The following DTNB variants were observed in gnomAD, a reference collection of about 807,000 sequenced individuals.
DTNB encodes the protein DTN-B.
A neutral mutation model predicts 90.7 loss-of-function variants in DTNB; 63 were observed. The observed-to-expected ratio is 0.69, with a 90% CI of 0.57 to 0.86. The LOEUF is 0.86. DTNB is among the 40% of genes least tolerant of loss of function. The probability of loss-of-function intolerance (pLI) is 0.00; values close to 1 mark genes in which losing one functional copy is unlikely to be tolerated. For missense variants in DTNB, 744 were observed against 807.1 expected (o/e 0.92, Z 0.95); for synonymous variants, 277 against 286.7 (o/e 0.97, Z 0.34).
At chr2:25,384,104 G>A (rs1397138800) in intron 18 of DTNB, among the ~76,000 whole-genome samples, 1 of 152,238 alleles carries the variant, frequency 6.6e-6, no homozygotes, top group East Asian at 1.9e-4. Flanking sequence ...AGCCCAAAGG[G>A]AGCAGTGCGG....
At chr2:25,644,079 C>T (rs927732704) in intron 2 of DTNB, among the ~76,000 whole-genome samples, 1 of 152,158 alleles carries the variant, frequency 6.6e-6, no homozygotes, top group African/African-American at 2.4e-5. Flanking sequence ...AAAGGGGAGG[C>T]ATGAATAATC....
At chr2:25,657,298 AAT>A (rs1375685170) in intron 1 of DTNB, among the ~76,000 whole-genome samples, 4 of 152,240 alleles carry the variant, frequency 2.6e-5, no homozygotes, top group African/African-American at 9.6e-5. Flanking sequence ...TAAAAAAAAA[AAT>A]AGTTAGATTT....
intron 16 of DTNB, among the ~76,000 whole-genome samples, chr2:25,409,072 G>C (rs2117856): frequency 2.0e-5 from 3 of 152,172 alleles, no homozygotes; most frequent in Non-Finnish European, 4.4e-5. Flanking sequence ...TGTTTTCTTA[G>C]GATATTTTCT....
chr2:25,672,184 C>A (rs2086084353), intron 1 of DTNB, among the ~76,000 whole-genome samples: 1 of 124,068 alleles, frequency 8.1e-6, no homozygotes, highest in Non-Finnish European at 1.6e-5. Context: ...GACCTCAGAA[C>A]CGGGGTTGCC....
At chr2:25,577,114 C>T in intron 7 of DTNB, 110 bp from the exon 8 acceptor site, 1 of 1,196,764 alleles carries the variant, frequency 8.4e-7, no homozygotes. Context: ...CAGAGGAATA[C>T]CAAAACTAAT....
intron 11 of DTNB, 133 bp downstream of exon 11, chr2:25,455,272 G>T: frequency 1.2e-6 from 1 of 800,868 alleles, no homozygotes; most frequent in Non-Finnish European, 1.9e-6. Flanking sequence ...TTTTAACTCT[G>T]CCAAACATAG....
At chr2:25,460,902 G>GT (rs35276903) in intron 10 of DTNB, among the ~76,000 whole-genome samples, 65,604 of 145,400 alleles carry the variant, frequency 0.45, 15,157 homozygotes, top group Non-Finnish European at 0.53. Flanking sequence ...AAGGTTTTTT[G>GT]TTTTTTTTTT....
At chr2:25,591,120 TGGGAGCAGGGAGACGCCAGGCAGC>T (rs1559151073) in intron 6 of DTNB, among the ~76,000 whole-genome samples, 3 of 152,116 alleles carry the variant, frequency 2.0e-5, no homozygotes, top group African/African-American at 7.2e-5. Context: ...GAGCAGGTGT[TGGGAGCAGGGAGACGCCAGGCAGC>T]GGGAGCAGGG....
At chr2:25,524,080 T>C (rs577345167) in intron 9 of DTNB, among the ~76,000 whole-genome samples, 2 of 152,142 alleles carry the variant, frequency 1.3e-5, no homozygotes, top group South Asian at 4.2e-4. Context: ...TTTGTATTTT[T>C]AGTAGAGATG....
chr2:25,497,677 T>C (rs2069269820), intron 9 of DTNB: 1 of 152,254 alleles, frequency 6.6e-6, no homozygotes, highest in African/African-American at 2.4e-5. Flanking sequence ...TGTGAGCTGC[T>C]GAGCAGGCTC....
chr2:25,433,997 T>C lies in DTNB; in HGVS notation c.1258-2A>G. On this transcript the variant is annotated splice_acceptor_variant, in intron 12 of 20. Transcript: ENST00000406818. LOFTEE classifies it high-confidence loss of function. ...GCTCAAGTCAGTGGGAGGACGAGTC[T>C]AAAGTGGGGAAGTCGGGAGAAAGTT... The C allele has an allele frequency of 6.2e-7, 1 of 1,610,176 alleles. No homozygotes were observed. Among genetic ancestry groups the C allele is most frequent in the South Asian group, 1.1e-5 (1 of 90,634 alleles).
At chr2:25,615,495 T>A (rs968069820) in intron 4 of DTNB, among the ~76,000 whole-genome samples, 1 of 152,144 alleles carries the variant, frequency 6.6e-6, no homozygotes. Context: ...GGACAAAAGA[T>A]GCTCCTATCA....
At chr2:25,457,230 G>A (rs1293112161) in intron 10 of DTNB, among the ~76,000 whole-genome samples, 3 of 151,994 alleles carry the variant, frequency 2.0e-5, no homozygotes, top group South Asian at 2.1e-4. Flanking sequence ...GGATGGTCTC[G>A]AACTCCTGAC....
At chr2:25,558,295 G>A (rs912608258) in intron 8 of DTNB, 3 of 985,272 alleles carry the variant, frequency 3.0e-6, no homozygotes, top group Non-Finnish European at 3.6e-6. Flanking sequence ...TGATAAATTT[G>A]AGTTAATGCA....
At chr2:25,542,801 T>G (rs1384751067) in intron 8 of DTNB, among the ~76,000 whole-genome samples, 1 of 152,220 alleles carries the variant, frequency 6.6e-6, no homozygotes, top group African/African-American at 2.4e-5. Context: ...AATAACCAAA[T>G]GTACAGTTCT....
At chr2:25,513,739 A>G (rs2074419045) in intron 9 of DTNB, among the ~76,000 whole-genome samples, 1 of 151,570 alleles carries the variant, frequency 6.6e-6, no homozygotes, top group African/African-American at 2.4e-5. Flanking sequence ...AGAAAAAACA[A>G]AACAAAACAA....
intron 9 of DTNB, among the ~76,000 whole-genome samples, chr2:25,527,536 G>GA (rs1298704773): frequency 2.6e-5 from 4 of 150,944 alleles, no homozygotes; most frequent in Non-Finnish European, 5.9e-5. Flanking sequence ...AAAAGAGAAA[G>GA]AAAAAATGCC....
chr2:25,505,807 A>C (rs1457085862), intron 9 of DTNB, among the ~76,000 whole-genome samples: 5 of 152,212 alleles, frequency 3.3e-5, no homozygotes, highest in African/African-American at 1.2e-4. Context: ...CTTTGACGTC[A>C]ATGTCTTCAT....
At chr2:25,646,241 C>G (rs961893475) in intron 2 of DTNB, among the ~76,000 whole-genome samples, 5 of 151,854 alleles carry the variant, frequency 3.3e-5, no homozygotes, top group Non-Finnish European at 7.4e-5. Context: ...TTTGGGAGGT[C>G]GAGGTGGGCG....
Sources: gnomAD v4.1 joint callset for allele counts (sites outside exome capture counted in the v4.1 genomes callset) on GRCh38, gnomAD v4.1.1 for gene constraint, MANE v1.5 for transcripts, NCBI Gene and HGNC (gene_info 2026-07-23, HGNC 2026-07-21) for gene names.